Variants in CDH13 observed in about 807,000 individuals in gnomAD.
CDH13 encodes cadherin-13.
CDH13 carries 24 observed loss-of-function variants against 63.8 expected under a neutral mutation model. The ratio of observed to expected loss-of-function variants is 0.38; its 90% CI spans 0.27 to 0.53. The LOEUF (loss-of-function observed/expected upper bound fraction) is 0.53. Among genes scored for constraint, CDH13 ranks in the 20% least tolerant of loss-of-function variants. The pLI is 0.85. For missense variants in CDH13, 1,049 were observed against 903.1 expected (o/e 1.16, Z -2.07); for synonymous variants, 503 against 355.3 (o/e 1.42, Z -4.67).
At chr16:83,181,450 C>T (rs540284771) in intron 4 of CDH13, among the ~76,000 whole-genome samples, 3 of 152,328 alleles carry the variant, frequency 2.0e-5, no homozygotes, top group East Asian at 3.9e-4. Context: ...CCAGAAGTCC[C>T]GTCAAGTTGG....
chr16:82,925,782 C>T (rs560219602), intron 2 of CDH13, among the ~76,000 whole-genome samples: 2 of 152,208 alleles, frequency 1.3e-5, no homozygotes, highest in Non-Finnish European at 2.9e-5. Flanking sequence ...TGCCCTTGAC[C>T]TCAATAATAT....
At chr16:83,487,188 G>A (rs555984053) in intron 7 of CDH13, among the ~76,000 whole-genome samples, 4 of 152,096 alleles carry the variant, frequency 2.6e-5, no homozygotes, top group South Asian at 2.1e-4. Context: ...CGTCTCCTGG[G>A]TCACATGTCA....
Position 83,481,960 on chromosome 16 carries a change from A to G in CDH13, c.782-4517A>G, listed in dbSNP as rs149195056. 9.4e-3 allele frequency among the ~76,000 whole-genome samples: 1,427 copies of G among 152,306 alleles called. 27 individuals are homozygous for G. The highest frequency in any genetic ancestry group is 0.033 in the African/African-American group (1,360 of 41,564). On this transcript the variant is annotated intron_variant, in intron 6 of 13. Transcript: ENST00000567109. Reference sequence around the variant, plus strand: ...ACTGCATAAGAGGAGAGGCACAGGCATCACCCACAGGCAATTGGAGCAGGT... The same window carrying G: ...ACTGCATAAGAGGAGAGGCACAGGCGTCACCCACAGGCAATTGGAGCAGGT...
intron 1 of CDH13, among the ~76,000 whole-genome samples, chr16:82,801,620 G>T (rs192323687): frequency 6.6e-6 from 1 of 152,286 alleles, no homozygotes; most frequent in Non-Finnish European, 1.5e-5. Context: ...ACAAAATTCT[G>T]AAATTAGTCA....
intron 7 of CDH13, among the ~76,000 whole-genome samples, chr16:83,512,908 T>C (rs934465584): frequency 1.3e-5 from 2 of 151,972 alleles, no homozygotes; most frequent in African/African-American, 4.8e-5. Flanking sequence ...CTCTAGATGA[T>C]GCCAAGCCAC....
chr16:83,369,387 C>T (rs962681429), intron 6 of CDH13, among the ~76,000 whole-genome samples: 10 of 152,124 alleles, frequency 6.6e-5, no homozygotes, highest in South Asian at 6.2e-4. Context: ...CCTGTCTCTC[C>T]TCCTTTCAGA....
chr16:83,118,864 G>T (rs2035434181), intron 3 of CDH13, among the ~76,000 whole-genome samples: 2 of 152,074 alleles, frequency 1.3e-5, no homozygotes. Flanking sequence ...CATCTCCTCT[G>T]CTCTCTTGCA....
chr16:83,427,238 A>G lies in CDH13; in HGVS notation c.782-59239A>G, dbSNP rs118061474. Among the ~76,000 whole-genome samples the G allele has an allele frequency of 9.1e-3, 1,383 of 152,168 alleles. 2 individuals are homozygous for G. The highest frequency in any genetic ancestry group is 0.019 in the South Asian group (92 of 4,814). ...CTAAATATGTTTCTTACATGGTCAA[A>G]GAAACCTTCTAGATGTGATTAAGTT... On this transcript the variant is annotated intron_variant, in intron 6 of 13. Transcript: ENST00000567109.
At chr16:82,853,169 A>C (rs141234353) in intron 1 of CDH13, among the ~76,000 whole-genome samples, 1 of 152,144 alleles carries the variant, frequency 6.6e-6, no homozygotes, top group South Asian at 2.1e-4. Flanking sequence ...TACAGAGGTA[A>C]CACAACTCAA....
At chr16:83,023,361 T>A (rs145358418) in intron 2 of CDH13, among the ~76,000 whole-genome samples, 10 of 152,194 alleles carry the variant, frequency 6.6e-5, no homozygotes, top group African/African-American at 2.4e-4. Context: ...AATGATGTTA[T>A]GCAATTTATT....
In CDH13 at chr16:83,107,710, C is replaced by T. The variant is rs181304415; in HGVS notation, c.367-17675C>T. Among the ~76,000 whole-genome samples the T allele has an allele frequency of 1.2e-3, 171 of 148,666 alleles. 1 individual carries two copies. Among genetic ancestry groups the T allele is most frequent in the African/African-American group, 4.1e-3 (167 of 40,564 alleles). On this transcript the variant is annotated intron_variant, in intron 3 of 13. Coordinates refer to ENST00000567109, the MANE Select transcript of CDH13 (RefSeq NM_001257.5). ...CTGTGTATTGATTCTGGAGCATTTGCGTAGTGAGTGGAATTTTAGGTGGGT... is the reference window on the plus strand; with the variant it reads ...CTGTGTATTGATTCTGGAGCATTTGTGTAGTGAGTGGAATTTTAGGTGGGT...
chr16:82,973,365 C>G (rs1909043896), intron 2 of CDH13, among the ~76,000 whole-genome samples: 1 of 152,178 alleles, frequency 6.6e-6, no homozygotes, highest in African/African-American at 2.4e-5. Context: ...GCTTTAAAGC[C>G]TGTTTGGGTG....
intron 1 of CDH13, among the ~76,000 whole-genome samples, chr16:82,705,654 C>T (rs996850579): frequency 6.6e-6 from 1 of 152,040 alleles, no homozygotes; most frequent in African/African-American, 2.4e-5. Flanking sequence ...TTCTTTCTTG[C>T]CAGTATTTCA....
At chr16:83,370,159 G>A (rs991288333) in intron 6 of CDH13, among the ~76,000 whole-genome samples, 4 of 152,084 alleles carry the variant, frequency 2.6e-5, no homozygotes, top group South Asian at 2.1e-4. Flanking sequence ...AGTCTGAGGC[G>A]GACGGATCGT....
In CDH13 at chr16:83,481,581, C is replaced by T. The variant is rs79053290; in HGVS notation, c.782-4896C>T. Among the ~76,000 whole-genome samples, 29 of 152,286 alleles carry T rather than the reference C, an allele frequency of 1.9e-4. No individual in the cohort carries two copies. In the East Asian group the frequency reaches 5.6e-3, roughly 30 times the overall value. On this transcript the variant is annotated intron_variant, in intron 6 of 13. Coordinates refer to ENST00000567109, the MANE Select transcript of CDH13 (RefSeq NM_001257.5). ...AAGGGGCTACCTGGCCACAAGGAAGCGATCACACTTGTTAATCAGCCTGTC... is the reference window on the plus strand; with the variant it reads ...AAGGGGCTACCTGGCCACAAGGAAGTGATCACACTTGTTAATCAGCCTGTC...
At chr16:83,677,439 C>T (rs1364983657) in intron 9 of CDH13, among the ~76,000 whole-genome samples, 1 of 152,132 alleles carries the variant, frequency 6.6e-6, no homozygotes, top group East Asian at 1.9e-4. Context: ...GTATTGCTGT[C>T]CCCCGCCCGG....
At chr16:82,839,927 A>G (rs2038935541) in intron 1 of CDH13, among the ~76,000 whole-genome samples, 1 of 152,236 alleles carries the variant, frequency 6.6e-6, no homozygotes, top group South Asian at 2.1e-4. Context: ...TTGAAATATT[A>G]CATTAATCCA....
intron 2 of CDH13, among the ~76,000 whole-genome samples, chr16:82,904,346 A>G (rs1394268446): frequency 6.6e-6 from 1 of 152,122 alleles, no homozygotes; most frequent in Admixed American, 6.6e-5. Context: ...GTAGCTTTCT[A>G]TTTAGTCTCT....
chr16:83,035,902 CA>C (rs1427932833), intron 3 of CDH13, among the ~76,000 whole-genome samples: 2 of 152,126 alleles, frequency 1.3e-5, no homozygotes, highest in African/African-American at 4.8e-5. Context: ...CAGCAATGAC[CA>C]ACACTGATGC....
Sources: gnomAD v4.1 joint callset for allele counts (sites outside exome capture counted in the v4.1 genomes callset) on GRCh38, gnomAD v4.1.1 for gene constraint, MANE v1.5 for transcripts, NCBI Gene and HGNC (gene_info 2026-07-23, HGNC 2026-07-21) for gene names.